The following EXOC4 variants were observed in gnomAD, a reference collection of about 807,000 sequenced individuals.
The protein encoded by EXOC4 is exocyst complex component 4.
Under a neutral mutation model 107.2 loss-of-function variants are expected in EXOC4, and 71 were observed. That is an observed-to-expected ratio of 0.66 (90% CI 0.55 to 0.81). The LOEUF (loss-of-function observed/expected upper bound fraction) is 0.81, where lower values mean the gene tolerates loss of function less well. Among genes scored for constraint, EXOC4 ranks in the 30% least tolerant of loss-of-function variants. EXOC4 has a pLI of 0.00. For missense variants in EXOC4, 1,108 were observed against 1,189.6 expected (o/e 0.93, Z 1.01); for synonymous variants, 456 against 441.2 (o/e 1.03, Z -0.42).
chr7:133,419,412 A>AT (rs769715810), intron 7 of EXOC4, among the ~76,000 whole-genome samples: 317 of 152,306 alleles, frequency 2.1e-3, no homozygotes, highest in Non-Finnish European at 3.4e-3. Context: ...GATTAAAATA[A>AT]TTAAGAAGTC....
At chr7:133,750,227 G>A (rs1252142608) in intron 10 of EXOC4, among the ~76,000 whole-genome samples, 1 of 151,904 alleles carries the variant, frequency 6.6e-6, no homozygotes, top group African/African-American at 2.4e-5. Flanking sequence ...TGGATTCTGT[G>A]TGTCCTTAAC....
chr7:133,287,531 T>G (rs1252251924), intron 2 of EXOC4, among the ~76,000 whole-genome samples: 2 of 152,116 alleles, frequency 1.3e-5, no homozygotes, highest in African/African-American at 4.8e-5. Flanking sequence ...GCCAGGATGG[T>G]CTCGATCTCC....
intron 10 of EXOC4, among the ~76,000 whole-genome samples, chr7:133,648,983 G>A (rs17167200): frequency 1.3e-5 from 2 of 152,076 alleles, no homozygotes; most frequent in African/African-American, 2.4e-5. Flanking sequence ...TAATTTTGTC[G>A]ATGGTGGATT....
chr7:133,936,976 T>C (rs779365743), intron 13 of EXOC4, among the ~76,000 whole-genome samples: 6 of 152,232 alleles, frequency 3.9e-5, no homozygotes, highest in Non-Finnish European at 8.8e-5. Flanking sequence ...TCATCTTTTC[T>C]AATTTTAGCC....
At chr7:133,999,577 G>T (rs184866355) in intron 15 of EXOC4, among the ~76,000 whole-genome samples, 2 of 152,274 alleles carry the variant, frequency 1.3e-5, no homozygotes, top group East Asian at 3.9e-4. Context: ...AGCGGACAGA[G>T]AAATCAGGTG....
intron 1 of EXOC4, among the ~76,000 whole-genome samples, chr7:133,272,075 C>T (rs1010526353): frequency 2.0e-5 from 3 of 152,200 alleles, no homozygotes; most frequent in Non-Finnish European, 4.4e-5. Flanking sequence ...TAGCTAACGA[C>T]AACAACCAAC....
At chr7:134,021,784 C>T (rs1451500178) in intron 17 of EXOC4, among the ~76,000 whole-genome samples, 1 of 146,526 alleles carries the variant, frequency 6.8e-6, no homozygotes, top group African/African-American at 2.5e-5. Flanking sequence ...TGACTTCTTT[C>T]TCTTGACACA....
At chr7:133,740,779 T>A (rs1795547229) in intron 10 of EXOC4, among the ~76,000 whole-genome samples, 1 of 152,208 alleles carries the variant, frequency 6.6e-6, no homozygotes. Context: ...TCATTTAATG[T>A]GATCCTCTAG....
intron 17 of EXOC4, among the ~76,000 whole-genome samples, chr7:134,046,896 T>TG (rs2116558468): frequency 6.6e-6 from 1 of 152,250 alleles, no homozygotes; most frequent in East Asian, 1.9e-4. Context: ...CAGGGACAAC[T>TG]GGGGGCAAAT....
intron 14 of EXOC4, among the ~76,000 whole-genome samples, chr7:133,968,713 G>A (rs921107517): frequency 6.6e-6 from 1 of 152,158 alleles, no homozygotes; most frequent in Non-Finnish European, 1.5e-5. Context: ...GAGATCCACT[G>A]TTAATCTGAT....
At chr7:133,669,689 G>A (rs193232823) in intron 10 of EXOC4, among the ~76,000 whole-genome samples, 40 of 152,268 alleles carry the variant, frequency 2.6e-4, no homozygotes, top group South Asian at 8.3e-4. Context: ...ATGCATTTGC[G>A]TATATTTGGG....
chr7:133,955,034 G>T (rs1392200395), intron 14 of EXOC4, among the ~76,000 whole-genome samples: 1 of 152,206 alleles, frequency 6.6e-6, no homozygotes, highest in African/African-American at 2.4e-5. Context: ...TCCTACATCT[G>T]GGCTTCCCAA....
intron 16 of EXOC4, among the ~76,000 whole-genome samples, 163 bp downstream of exon 16, chr7:134,005,253 G>A (rs1189256712): frequency 6.6e-6 from 1 of 152,140 alleles, no homozygotes; most frequent in African/African-American, 2.4e-5. Context: ...GTATGACTAG[G>A]TAGACAACAA....
At chr7:133,439,911 C>G (rs1035082635) in intron 7 of EXOC4, among the ~76,000 whole-genome samples, 5 of 152,160 alleles carry the variant, frequency 3.3e-5, no homozygotes, top group Non-Finnish European at 5.9e-5. Context: ...GTAACTCTTC[C>G]ATCTATCACT....
intron 9 of EXOC4, among the ~76,000 whole-genome samples, chr7:133,548,122 T>C (rs373169777): frequency 5.9e-5 from 9 of 152,194 alleles, no homozygotes; most frequent in African/African-American, 2.2e-4. Flanking sequence ...ACAATCTCGT[T>C]TTTATGTCAA....
At chr7:133,371,479 A>G (rs768614258) in intron 6 of EXOC4, among the ~76,000 whole-genome samples, 8 of 152,074 alleles carry the variant, frequency 5.3e-5, no homozygotes, top group South Asian at 2.1e-4. Flanking sequence ...TTATATAACT[A>G]TAATCATATA....
intron 6 of EXOC4, among the ~76,000 whole-genome samples, chr7:133,363,509 C>CT (rs754684755): frequency 6.6e-6 from 1 of 151,096 alleles, no homozygotes; most frequent in Non-Finnish European, 1.5e-5. Flanking sequence ...GTGTATTGTC[C>CT]TTTGGTTATA....
intron 9 of EXOC4, among the ~76,000 whole-genome samples, chr7:133,554,927 G>C (rs1199621719): frequency 2.0e-5 from 3 of 152,110 alleles, no homozygotes; most frequent in Non-Finnish European, 4.4e-5. Flanking sequence ...TCATCTTGTT[G>C]TTTCCCTTAG....
chr7:133,380,255 AAAATAAAAT>A (rs1042368135), intron 7 of EXOC4, among the ~76,000 whole-genome samples: 5 of 148,180 alleles, frequency 3.4e-5, no homozygotes, highest in African/African-American at 5.0e-5. Flanking sequence ...AAAATAAAAT[AAAATAAAAT>A]AAAATAAAAT....
Sources: allele counts gnomAD v4.1 joint callset (sites outside exome capture counted in the v4.1 genomes callset), GRCh38; gene constraint gnomAD v4.1.1; transcripts MANE v1.5; gene names NCBI Gene and HGNC (gene_info 2026-07-23, HGNC 2026-07-21).